The following FAM135B variants were observed in gnomAD, a reference collection of about 807,000 sequenced individuals.
FAM135B encodes family with sequence similarity 135 member B, also known as protein FAM135B.
FAM135B carries 43 observed loss-of-function variants against 127.7 expected under a neutral mutation model. The ratio of observed to expected loss-of-function variants is 0.34; its 90% CI spans 0.26 to 0.43. The LOEUF (loss-of-function observed/expected upper bound fraction) is 0.43, where lower values mean the gene tolerates loss of function less well. Among genes scored for constraint, FAM135B ranks in the 20% least tolerant of loss-of-function variants. The pLI, the probability that FAM135B is intolerant of heterozygous loss-of-function variation, is 1.00. For synonymous variants in FAM135B, 670 were observed against 665.1 expected, an observed-to-expected ratio of 1.01 and a Z score of -0.11; for missense variants, 1,558 against 1,725.6, an observed-to-expected ratio of 0.90 and a Z score of 1.72.
chr8:138,416,640 A>G (rs985946195), intron 1 of FAM135B, among the ~76,000 whole-genome samples: 1 of 152,128 alleles, frequency 6.6e-6, no homozygotes, highest in Non-Finnish European at 1.5e-5. Flanking sequence ...GGAGATACTG[A>G]GCTGAAACCA....
At chr8:138,147,866 A>C (rs1042982255) in intron 14 of FAM135B, among the ~76,000 whole-genome samples, 4 of 152,228 alleles carry the variant, frequency 2.6e-5, no homozygotes, top group African/African-American at 4.8e-5. Flanking sequence ...AGTGTCATAT[A>C]CATGAGAGGA....
chr8:138,143,134 G>C, intron 15 of FAM135B, 25 bp from the exon 16 acceptor site: 5 of 1,331,368 alleles, frequency 3.8e-6, no homozygotes, highest in Non-Finnish European at 4.3e-6. Flanking sequence ...AGGAACAGGT[G>C]TTGGGTATGG....
chr8:138,231,098 C>G (rs1440658459), intron 7 of FAM135B, among the ~76,000 whole-genome samples: 2 of 152,022 alleles, frequency 1.3e-5, no homozygotes, highest in African/African-American at 4.8e-5. Flanking sequence ...GGTGCAATCT[C>G]AGCTCACTGC....
chr8:138,487,402 G>T (rs1462297937), intron 1 of FAM135B, among the ~76,000 whole-genome samples: 1 of 151,964 alleles, frequency 6.6e-6, no homozygotes, highest in Non-Finnish European at 1.5e-5. Flanking sequence ...GATGCTCAAA[G>T]TGATCCGGGA....
intron 7 of FAM135B, among the ~76,000 whole-genome samples, chr8:138,240,192 C>T (rs1273906689): frequency 6.6e-6 from 1 of 152,146 alleles, no homozygotes; most frequent in Admixed American, 6.5e-5. Context: ...TGAATGAGTT[C>T]CCCCAAGCCA....
intron 8 of FAM135B, 55 bp from the exon 9 acceptor site, chr8:138,195,362 G>C (rs2131114965): frequency 6.4e-7 from 1 of 1,557,728 alleles, no homozygotes; most frequent in East Asian, 2.2e-5. Flanking sequence ...AAATGCAGCA[G>C]TTGCTAATTA....
intron 7 of FAM135B, among the ~76,000 whole-genome samples, chr8:138,223,241 C>T (rs546317942): frequency 1.4e-4 from 22 of 152,276 alleles, no homozygotes; most frequent in African/African-American, 5.3e-4. Flanking sequence ...CACCAGGGCC[C>T]ATTTATGAGA....
chr8:138,415,968 T>C (rs1198326061), intron 1 of FAM135B, among the ~76,000 whole-genome samples: 2 of 152,204 alleles, frequency 1.3e-5, no homozygotes, highest in Non-Finnish European at 2.9e-5. Context: ...TCAATGCCCT[T>C]TGCTAGCCTC....
intron 3 of FAM135B, chr8:138,309,177 G>T (rs1395559851): frequency 6.7e-6 from 2 of 300,282 alleles, no homozygotes; most frequent in South Asian, 5.8e-5. Context: ...ACTGGTTCAC[G>T]CAGGGCAGGG....
At chr8:138,300,744 CT>C (rs34292545) in intron 3 of FAM135B, among the ~76,000 whole-genome samples, 78 of 100,494 alleles carry the variant, frequency 7.8e-4, no homozygotes, top group African/African-American at 1.8e-3. Flanking sequence ...ATTTTATCCA[CT>C]TTTTTTTTTT....
At chr8:138,181,713 A>G (rs1489502078) in intron 9 of FAM135B, among the ~76,000 whole-genome samples, 1 of 151,804 alleles carries the variant, frequency 6.6e-6, no homozygotes, top group Non-Finnish European at 1.5e-5. Flanking sequence ...TTTTCTCTAA[A>G]TAATTTCAAC....
At position 138,442,267 on chromosome 8, in the gene FAM135B, T is replaced by TATATAC. The variant is rs1554694339; in HGVS notation, c.-20+54403_-20+54404insGTATAT. Among the ~76,000 whole-genome samples, 264 of 86,742 alleles carry TATATAC rather than the reference T, an allele frequency of 3.0e-3. 19 individuals carry two copies. Among genetic ancestry groups the TATATAC allele is most frequent in the Non-Finnish European group, 3.4e-3 (144 of 41,960 alleles). The allele number at this position is 86,742 out of a possible 152,430, so 56.9% of individuals were successfully genotyped here. A position where few individuals can be genotyped will look rare whatever the true frequency, so the allele number is the denominator to read the frequency against. On this transcript the variant is annotated intron_variant, in intron 1 of 19. Transcript: ENST00000395297. Reference sequence around the variant, plus strand: ...ATATATATATATATATATATATATATATATATATATGAAAAACCTTGGCAG... The same window carrying TATATAC: ...ATATATATATATATATATATATATATATATACATATATATATGAAAAACCTTGGCAG...
intron 1 of FAM135B, among the ~76,000 whole-genome samples, chr8:138,401,585 A>G (rs1833157765): frequency 6.6e-6 from 1 of 152,148 alleles, no homozygotes; most frequent in Non-Finnish European, 1.5e-5. Flanking sequence ...TGACAATCTC[A>G]TATCTATTTT....
At chr8:138,362,820 G>A (rs1365932195) in intron 2 of FAM135B, among the ~76,000 whole-genome samples, 2 of 152,124 alleles carry the variant, frequency 1.3e-5, no homozygotes, top group Non-Finnish European at 2.9e-5. Flanking sequence ...CTCATTAGCT[G>A]GTAAACACCT....
intron 1 of FAM135B, among the ~76,000 whole-genome samples, chr8:138,485,418 G>A (rs998774687): frequency 2.0e-5 from 3 of 152,170 alleles, no homozygotes; most frequent in African/African-American, 7.2e-5. Context: ...ATGACAATCC[G>A]CCATCCTCTT....
intron 1 of FAM135B, among the ~76,000 whole-genome samples, chr8:138,457,719 C>A (rs1278520509): frequency 6.6e-6 from 1 of 152,130 alleles, no homozygotes; most frequent in Admixed American, 6.5e-5. Context: ...CGCCTGTAAT[C>A]CCAACACTTT....
At chr8:138,146,083 C>T (rs763466806) in intron 14 of FAM135B, 33 bp from the exon 15 acceptor site, 16 of 1,073,340 alleles carry the variant, frequency 1.5e-5, no homozygotes, top group South Asian at 5.3e-5. Flanking sequence ...ATCCCAGTCC[C>T]GTAGTTAGTC....
intron 3 of FAM135B, among the ~76,000 whole-genome samples, chr8:138,304,985 T>A (rs1826136847): frequency 6.6e-6 from 1 of 152,206 alleles, no homozygotes; most frequent in African/African-American, 2.4e-5. Flanking sequence ...TAGGCTCTTC[T>A]GTGGCCCCAG....
intron 4 of FAM135B, among the ~76,000 whole-genome samples, chr8:138,261,498 A>T (rs1822536151): frequency 6.6e-6 from 1 of 152,042 alleles, no homozygotes; most frequent in Non-Finnish European, 1.5e-5. Context: ...GGTCCAATAC[A>T]TTTACCCCAG....
Sources: gnomAD v4.1 joint callset for allele counts (sites outside exome capture counted in the v4.1 genomes callset) on GRCh38, gnomAD v4.1.1 for gene constraint, MANE v1.5 for transcripts, NCBI Gene and HGNC (gene_info 2026-07-23, HGNC 2026-07-21) for gene names.